Variants in SLC9C2 observed in about 807,000 individuals in gnomAD.
SLC9C2 encodes sodium/hydrogen exchanger 11.
A neutral mutation model predicts 140.2 loss-of-function variants in SLC9C2; 75 were observed. That is an observed-to-expected ratio of 0.53 (90% CI 0.44 to 0.65). SLC9C2 has a LOEUF of 0.65. SLC9C2 is among the 30% of genes least tolerant of loss of function. The pLI is 0.00. For synonymous variants in SLC9C2, 375 were observed against 420.9 expected, an observed-to-expected ratio of 0.89 and a Z score of 1.34; for missense variants, 1,074 against 1,331.8, an observed-to-expected ratio of 0.81 and a Z score of 3.01.
chr1:173,505,490 GAGA>G (rs1189297085), intron 25 of SLC9C2, among the ~76,000 whole-genome samples, 159 bp from the exon 26 acceptor site: 1 of 152,146 alleles, frequency 6.6e-6, no homozygotes, highest in Non-Finnish European at 1.5e-5. Context: ...CTTTGATGTT[GAGA>G]AGTCTTAGAC....
intron 22 of SLC9C2, among the ~76,000 whole-genome samples, chr1:173,520,011 G>T (rs1028157363): frequency 1.3e-5 from 2 of 152,018 alleles, no homozygotes; most frequent in Non-Finnish European, 2.9e-5. Context: ...GTGGTGGTGC[G>T]TGCCTGTAAT....
At position 173,524,018 on chromosome 1, in the gene SLC9C2, T is replaced by A. The variant is rs1478924038; in HGVS notation, c.2591A>T (p.His864Leu). 6.2e-7 allele frequency: 1 copy of A among 1,613,676 alleles called. No homozygotes were observed. The change falls in exon 21 of 28, where the codon CAC becomes CTC. Residue 864 changes from histidine (H) to leucine (L), a missense_variant. Physicochemically the swap from His to Leu is moderately conservative, Grantham distance 99. Coordinates refer to ENST00000367714, the MANE Select transcript of SLC9C2 (RefSeq NM_178527.4). Reference protein sequence around the residue: ...IPPPTPDIYLHNIIWLEGKDV... With the variant: ...IPPPTPDIYLLNIIWLEGKDV... ...TTTACCTTCCAGCCAAATGATGTTG[T>A]GAAGGTATATGTCAGGAGTTGGGGG...
Position 173,591,649 on chromosome 1 carries a change from T to A in SLC9C2, c.358-3819A>T, listed in dbSNP as rs1380214191. ...CAGTGATGTTGAGCTTTTTTTCATA[T>A]GCTCGTTGGCTGCAAGTATGTCTTC... On this transcript the variant is annotated intron_variant, in intron 4 of 27. Coordinates refer to ENST00000367714, the MANE Select transcript of SLC9C2 (RefSeq NM_178527.4). 1.2e-4 allele frequency among the ~76,000 whole-genome samples: 18 copies of A among 152,236 alleles called. 1 individual carries two copies. The highest frequency in any genetic ancestry group is 1.2e-3 in the Admixed American group (18 of 15,286).
chr1:173,518,759 T>C (rs139186042), intron 22 of SLC9C2, among the ~76,000 whole-genome samples: 2 of 152,310 alleles, frequency 1.3e-5, no homozygotes, highest in Non-Finnish European at 2.9e-5. Flanking sequence ...TTAAAGGCAT[T>C]CATGCTTCCA....
At position 173,533,667 on chromosome 1, in the gene SLC9C2, A is replaced by G; in HGVS notation, c.2105T>C (p.Ile702Thr). Residue 702 changes from isoleucine (I) to threonine (T), a missense_variant, in exon 17 of 28, where the codon ATA (isoleucine) becomes ACA (threonine). Transcript: ENST00000367714. ...VKLRPDNLAL[I>T]QLTVIMGYLR... is the part of the protein sequence containing the mutation. ...ATATCCCATTATTACTGTAAGCTGT[A>G]TAAGAGCCAAGTTGTCTGGTCTCAA... The G allele has an allele frequency of 1.2e-6, 2 of 1,611,458 alleles. No individual in the cohort carries two copies. The highest frequency in any genetic ancestry group is 1.3e-5 in the African/African-American group (1 of 74,972).
At chr1:173,508,236 G>GA (rs943874213) in intron 24 of SLC9C2, among the ~76,000 whole-genome samples, 11 of 151,246 alleles carry the variant, frequency 7.3e-5, no homozygotes, top group South Asian at 2.1e-4. Context: ...GATTTAGAGG[G>GA]AAAAAAATCT....
chr1:173,582,861 C>A (rs574189806), intron 6 of SLC9C2, among the ~76,000 whole-genome samples: 1 of 152,242 alleles, frequency 6.6e-6, no homozygotes, highest in South Asian at 2.1e-4. Context: ...AATCCAGAAC[C>A]AAGCCAATTC....
Position 173,536,983 on chromosome 1 carries a change from T to C in SLC9C2, c.1614A>G (p.Ile538Met), listed in dbSNP as rs1662014029. ...AATAGCATTTTGCTGCACCAATTAA[T>C]ATCCGGGCTGCCTCTATTTCAAGAA... ...NGILEIEAAR[I>M]LIGAAKCYYS... The change falls in exon 14 of 28, where the codon ATA becomes ATG. Residue 538 changes from isoleucine to methionine, a missense_variant. Transcript: ENST00000367714. 2 of 1,613,870 alleles carry C rather than the reference T, an allele frequency of 1.2e-6. No individual in the cohort carries two copies. The highest frequency in any genetic ancestry group is 1.7e-6 in the Non-Finnish European group (2 of 1,179,852).
intron 21 of SLC9C2, among the ~76,000 whole-genome samples, chr1:173,522,187 A>T (rs1660875847): frequency 6.6e-6 from 1 of 151,018 alleles, no homozygotes; most frequent in South Asian, 2.1e-4. Context: ...GTGCCACTGC[A>T]TTCCAGCCTG....
chr1:173,599,829 C>T (rs367908417), intron 3 of SLC9C2, among the ~76,000 whole-genome samples: 3 of 152,152 alleles, frequency 2.0e-5, no homozygotes, highest in South Asian at 4.1e-4. Context: ...GTCTCAAACT[C>T]CTGGCCTCAA....
chr1:173,529,879 C>T (rs779202147), intron 18 of SLC9C2, 26 bp downstream of exon 18: 1 of 1,588,588 alleles, frequency 6.3e-7, no homozygotes, highest in African/African-American at 1.4e-5. Context: ...GTTTTTCTCC[C>T]CAAATGACCA....
At chr1:173,553,909 T>A (rs1296246186) in intron 11 of SLC9C2, among the ~76,000 whole-genome samples, 1 of 152,178 alleles carries the variant, frequency 6.6e-6, no homozygotes, top group African/African-American at 2.4e-5. Context: ...CCATGGCATA[T>A]TGAACTATAC....
chr1:173,520,034 G>A (rs1244532187), intron 22 of SLC9C2, among the ~76,000 whole-genome samples: 1 of 152,066 alleles, frequency 6.6e-6, no homozygotes, highest in Admixed American at 6.6e-5. Context: ...TGTAATCCCA[G>A]CTACTTGGGA....
chr1:173,547,561 C>G, intron 13 of SLC9C2, 128 bp downstream of exon 13: 1 of 622,504 alleles, frequency 1.6e-6, no homozygotes, highest in East Asian at 3.1e-5. Flanking sequence ...TTTAACAAAT[C>G]ACACATTAAT....
chr1:173,536,894 A>G, intron 14 of SLC9C2, 48 bp downstream of exon 14: 1 of 1,254,616 alleles, frequency 8.0e-7, no homozygotes, highest in African/African-American at 1.5e-5. Context: ...TCTTCATCAT[A>G]TAGTCATTCA....
intron 17 of SLC9C2, among the ~76,000 whole-genome samples, chr1:173,531,049 C>T (rs887227267): frequency 2.6e-5 from 4 of 152,152 alleles, no homozygotes; most frequent in South Asian, 4.1e-4. Flanking sequence ...TATTCTTTCA[C>T]GTTTTCCAAT....
chr1:173,564,326 A>G (rs1350179259), intron 9 of SLC9C2, among the ~76,000 whole-genome samples: 1 of 152,206 alleles, frequency 6.6e-6, no homozygotes, highest in African/African-American at 2.4e-5. Flanking sequence ...CCAACAGTGT[A>G]TGTGAGTTCC....
intron 13 of SLC9C2, among the ~76,000 whole-genome samples, chr1:173,545,227 G>A (rs920878002): frequency 9.9e-5 from 15 of 152,164 alleles, no homozygotes; most frequent in Middle Eastern, 6.8e-3. Context: ...GAAGTGGGGC[G>A]GACTAAACCA....
At chr1:173,540,105 C>T (rs1662271322) in intron 13 of SLC9C2, among the ~76,000 whole-genome samples, 1 of 152,160 alleles carries the variant, frequency 6.6e-6, no homozygotes, top group Non-Finnish European at 1.5e-5. Flanking sequence ...CCCCTCTCAC[C>T]CTGTTGGAAC....
Sources: allele counts gnomAD v4.1 joint callset (sites outside exome capture counted in the v4.1 genomes callset), GRCh38; gene constraint gnomAD v4.1.1; transcripts MANE v1.5; gene names NCBI Gene and HGNC (gene_info 2026-07-23, HGNC 2026-07-21).